Variants in GMDS observed in about 807,000 individuals in gnomAD.
The protein encoded by GMDS is GDP-mannose 4,6-dehydratase, also known as GDP-mannose 4,6 dehydratase.
In GMDS, 20 loss-of-function variants were observed where a neutral mutation model predicts 49.9. The ratio of observed to expected loss-of-function variants is 0.40; its 90% CI spans 0.28 to 0.58. GMDS has a LOEUF of 0.58. Ranked by LOEUF, GMDS falls within the 20% of genes least tolerant of loss-of-function variation. The pLI, the probability that GMDS is intolerant of heterozygous loss-of-function variation, is 0.42. For synonymous variants in GMDS, 177 were observed against 178.6 expected (o/e 0.99, Z 0.07); for missense variants, 362 against 481.4 (o/e 0.75, Z 2.32).
At chr6:1,971,689 G>A (rs561243843) in intron 4 of GMDS, among the ~76,000 whole-genome samples, 98 of 152,134 alleles carry the variant, frequency 6.4e-4, no homozygotes, top group Non-Finnish European at 1.1e-3. Context: ...CTGTCTGTCC[G>A]TCCACTCTCC....
At chr6:1,939,174 C>T (rs1190048928) in intron 6 of GMDS, among the ~76,000 whole-genome samples, 2 of 151,888 alleles carry the variant, frequency 1.3e-5, no homozygotes, top group Non-Finnish European at 2.9e-5. Flanking sequence ...TAGATAATTC[C>T]AGTATCTGAA....
intron 7 of GMDS, among the ~76,000 whole-genome samples, chr6:1,809,755 G>A (rs1426016774): frequency 6.6e-6 from 1 of 152,106 alleles, no homozygotes; most frequent in East Asian, 1.9e-4. Flanking sequence ...ATCCTGAAAA[G>A]ACAATCTTGG....
chr6:1,707,406 T>C (rs1391990486), intron 9 of GMDS, among the ~76,000 whole-genome samples: 2 of 152,162 alleles, frequency 1.3e-5, no homozygotes, highest in South Asian at 2.1e-4. Flanking sequence ...AAGGCTTCAG[T>C]GACAGACTGA....
intron 1 of GMDS, among the ~76,000 whole-genome samples, chr6:2,201,304 G>A (rs550025372): frequency 2.1e-5 from 3 of 143,432 alleles, no homozygotes; most frequent in East Asian, 2.1e-4. Flanking sequence ...ATGCGCATCC[G>A]AGATGAAACC....
Position 2,171,895 on chromosome 6 carries a change from T to C in GMDS, c.103-47164A>G, listed in dbSNP as rs192899502. Among the ~76,000 whole-genome samples the C allele has an allele frequency of 2.0e-3, 304 of 152,290 alleles. 2 individuals are homozygous for C. Among genetic ancestry groups the C allele is most frequent in the African/African-American group, 7.1e-3 (293 of 41,554 alleles). On this transcript the variant is annotated intron_variant, in intron 1 of 10. Transcript: ENST00000380815. Reference sequence around the variant, plus strand: ...AAGGAAACTAAAATGTCAACAGAACTTAAATGCATACAGAGAGCAGTGAGG... The same window carrying C: ...AAGGAAACTAAAATGTCAACAGAACCTAAATGCATACAGAGAGCAGTGAGG...
chr6:2,094,909 TA>T (rs377093104), intron 4 of GMDS, among the ~76,000 whole-genome samples: 34 of 152,284 alleles, frequency 2.2e-4, no homozygotes, highest in African/African-American at 8.2e-4. Flanking sequence ...CTTGATGTGT[TA>T]AACCAACGGA....
At chr6:1,903,336 G>T (rs374857199) in intron 7 of GMDS, among the ~76,000 whole-genome samples, 2 of 152,254 alleles carry the variant, frequency 1.3e-5, no homozygotes, top group South Asian at 2.1e-4. Context: ...GAGAATTAAT[G>T]TTGCACATTG....
chr6:1,904,993 A>G (rs936251545), intron 7 of GMDS, among the ~76,000 whole-genome samples: 4 of 152,228 alleles, frequency 2.6e-5, no homozygotes, highest in Non-Finnish European at 5.9e-5. Flanking sequence ...AAGAAAGGGG[A>G]TAAGGGCAGA....
chr6:1,713,605 GACACAC>G (rs59883105), intron 9 of GMDS, among the ~76,000 whole-genome samples: 3 of 150,798 alleles, frequency 2.0e-5, no homozygotes, highest in Non-Finnish European at 4.4e-5. Flanking sequence ...GGATCAATGG[GACACAC>G]ACACACACAC....
rs771684152 is a variant in GMDS, at chr6:1,930,246, AG to A, written c.644-17del. The A allele has an allele frequency of 6.2e-7, 1 of 1,610,976 alleles. No individual in the cohort carries two copies. The highest frequency in any genetic ancestry group is 8.5e-7 in the Non-Finnish European group (1 of 1,178,016). ...AAATTAGCTCCTAAAAAGAGGCAAA[AG>A]ATGTAGTATCAGTCAAGTGCACTTG... On this transcript the variant is annotated splice_polypyrimidine_tract_variant and intron_variant, in intron 6 of 10. Transcript: ENST00000380815.
chr6:2,076,476 A>G (rs1020854300), intron 4 of GMDS, among the ~76,000 whole-genome samples: 1 of 152,234 alleles, frequency 6.6e-6, no homozygotes, highest in Non-Finnish European at 1.5e-5. Context: ...CAAAAGAATA[A>G]TGCTGGAGGC....
chr6:1,714,787 T>C (rs528509805), intron 9 of GMDS, among the ~76,000 whole-genome samples: 6 of 152,390 alleles, frequency 3.9e-5, no homozygotes, highest in African/African-American at 1.4e-4. Context: ...ATATGCATTA[T>C]TGTTGATGCT....
intron 7 of GMDS, among the ~76,000 whole-genome samples, chr6:1,827,575 T>A (rs1771184857): frequency 6.6e-6 from 1 of 152,202 alleles, no homozygotes; most frequent in South Asian, 2.1e-4. Context: ...AAGATAAGGC[T>A]TTGATATCAT....
chr6:1,676,669 C>G (rs1764635845), intron 9 of GMDS, among the ~76,000 whole-genome samples: 1 of 152,096 alleles, frequency 6.6e-6, no homozygotes, highest in Non-Finnish European at 1.5e-5. Context: ...CTGACAAAAA[C>G]AAGAAATGGG....
chr6:1,675,143 G>A (rs1428342041), intron 9 of GMDS, among the ~76,000 whole-genome samples: 1 of 151,462 alleles, frequency 6.6e-6, no homozygotes, highest in Non-Finnish European at 1.5e-5. Context: ...CTCCATGTTG[G>A]TCAGGCTGGT....
At chr6:1,859,872 C>A (rs1403065162) in intron 7 of GMDS, among the ~76,000 whole-genome samples, 2 of 152,122 alleles carry the variant, frequency 1.3e-5, no homozygotes, top group African/African-American at 2.4e-5. Context: ...TTATTTAATG[C>A]CTTCAAACAT....
chr6:2,237,717 T>C (rs762198186), intron 1 of GMDS, among the ~76,000 whole-genome samples: 3 of 151,942 alleles, frequency 2.0e-5, no homozygotes, highest in Non-Finnish European at 1.5e-5. Flanking sequence ...AGATGGGGTT[T>C]CTCCACGTTG....
chr6:1,972,612 G>A (rs1421476885), intron 4 of GMDS, among the ~76,000 whole-genome samples: 1 of 152,202 alleles, frequency 6.6e-6, no homozygotes, highest in African/African-American at 2.4e-5. Context: ...TAAAATGCAT[G>A]TCTTTATTTT....
chr6:2,131,245 T>A (rs1014688336), intron 1 of GMDS, among the ~76,000 whole-genome samples: 3 of 152,162 alleles, frequency 2.0e-5, no homozygotes, highest in Admixed American at 6.5e-5. Flanking sequence ...CATACTAAAA[T>A]AATTTTCTAT....
Sources: allele counts gnomAD v4.1 joint callset (sites outside exome capture counted in the v4.1 genomes callset), GRCh38; gene constraint gnomAD v4.1.1; transcripts MANE v1.5; gene names NCBI Gene and HGNC (gene_info 2026-07-23, HGNC 2026-07-21).